Variants in CFI observed in about 807,000 individuals in gnomAD.
The protein encoded by CFI is complement factor I.
A neutral mutation model predicts 78.8 loss-of-function variants in CFI; 66 were observed. The observed-to-expected ratio is 0.84, with a 90% CI of 0.69 to 1.03. CFI has a LOEUF of 1.03. CFI is among the 50% of genes least tolerant of loss of function. The pLI, the probability that CFI is intolerant of heterozygous loss-of-function variation, is 0.00. For synonymous variants in CFI, 250 were observed against 232.6 expected, an observed-to-expected ratio of 1.07 and a Z score of -0.68; for missense variants, 706 against 704.5, an observed-to-expected ratio of 1.00 and a Z score of -0.02.
At chr4:109,778,721 A>C (rs536261846) in intron 1 of CFI, among the ~76,000 whole-genome samples, 1 of 152,358 alleles carries the variant, frequency 6.6e-6, no homozygotes, top group South Asian at 2.1e-4. Context: ...ATACTGATGC[A>C]AAAATCCTCA....
At chr4:109,757,227 G>T (rs1341355519) in intron 7 of CFI, among the ~76,000 whole-genome samples, 3 of 151,724 alleles carry the variant, frequency 2.0e-5, no homozygotes, top group Non-Finnish European at 4.4e-5. Context: ...GTAGAGATGG[G>T]GTTTCACCGT....
chr4:109,801,942 A>G lies in CFI; in HGVS notation c.30T>C (p.Phe10=). 6.2e-7 allele frequency: 1 copy of G among 1,612,758 alleles called. No homozygotes were observed. Among genetic ancestry groups the G allele is most frequent in the Admixed American group, 1.7e-5 (1 of 60,012 alleles). Residue 10 remains phenylalanine (F), a synonymous_variant, in exon 1 of 13, where the codon TTT becomes TTC. Transcript: ENST00000394634. The part of the protein sequence containing the change: MKLLHVFLL[F]LCFHLRFCKV... ...TGCAAAACCTTAAGTGGAAGCACAGAAATAACAGGAAAACATGAAGAAGCT... is the reference window on the plus strand; with the variant it reads ...TGCAAAACCTTAAGTGGAAGCACAGGAATAACAGGAAAACATGAAGAAGCT...
intron 1 of CFI, 47 bp from the exon 2 acceptor site, chr4:109,766,871 C>T (rs1257563085): frequency 6.3e-7 from 1 of 1,597,998 alleles, no homozygotes; most frequent in Non-Finnish European, 8.6e-7. Context: ...ATTAAAGACT[C>T]CTGTTTGAAG....
chr4:109,769,795 C>G (rs935735247), intron 1 of CFI, among the ~76,000 whole-genome samples: 1 of 152,170 alleles, frequency 6.6e-6, no homozygotes, highest in African/African-American at 2.4e-5. Context: ...AGGACCCACA[C>G]CTGTCTGTTG....
chr4:109,791,110 TA>T (rs1431482344), intron 1 of CFI, among the ~76,000 whole-genome samples: 8 of 152,124 alleles, frequency 5.3e-5, no homozygotes, highest in Non-Finnish European at 8.8e-5. Context: ...GACAGCATGT[TA>T]TTTTTTTGGA....
chr4:109,772,470 C>T (rs758636849), intron 1 of CFI, among the ~76,000 whole-genome samples: 1 of 152,094 alleles, frequency 6.6e-6, no homozygotes, highest in Non-Finnish European at 1.5e-5. Flanking sequence ...TTTAAATCAC[C>T]ATTGAAACTA....
chr4:109,788,251 T>G (rs938938292), intron 1 of CFI, among the ~76,000 whole-genome samples: 1 of 152,160 alleles, frequency 6.6e-6, no homozygotes, highest in African/African-American at 2.4e-5. Flanking sequence ...GAAGTGAAAT[T>G]GCTGAATCAA....
At chr4:109,784,195 AT>A (rs1194561473) in intron 1 of CFI, among the ~76,000 whole-genome samples, 2 of 152,078 alleles carry the variant, frequency 1.3e-5, no homozygotes, top group Admixed American at 6.6e-5. Context: ...AAATAAAAAA[AT>A]AAATAAAAAG....
chr4:109,754,244 A>C (rs986258515), intron 7 of CFI, among the ~76,000 whole-genome samples: 1 of 151,504 alleles, frequency 6.6e-6, no homozygotes, highest in South Asian at 2.1e-4. Flanking sequence ...GGCCTCCCAA[A>C]GTGCTGGAAT....
At chr4:109,735,274 T>C in the CFI span, among the ~76,000 whole-genome samples, 1 of 152,154 alleles carries the variant, frequency 6.6e-6, no homozygotes, top group Non-Finnish European at 1.5e-5. Flanking sequence ...ATTTTCTATA[T>C]AGAACTTCCC....
intron 7 of CFI, among the ~76,000 whole-genome samples, chr4:109,756,234 T>C (rs1006261054): frequency 2.0e-5 from 3 of 151,362 alleles, no homozygotes; most frequent in African/African-American, 7.3e-5. Context: ...CCCCTGATGA[T>C]CATGTATAAG....
At chr4:109,772,581 G>GTTT (rs35970339) in intron 1 of CFI, among the ~76,000 whole-genome samples, 2 of 146,430 alleles carry the variant, frequency 1.4e-5, no homozygotes, top group Non-Finnish European at 1.5e-5. Flanking sequence ...GAATTTGATC[G>GTTT]TTTTTTTTTT....
At chr4:109,779,428 G>A (rs1451084373) in intron 1 of CFI, among the ~76,000 whole-genome samples, 1 of 152,066 alleles carries the variant, frequency 6.6e-6, no homozygotes, top group African/African-American at 2.4e-5. Flanking sequence ...ACTTACAAGG[G>A]ATGTCAAGGA....
intron 1 of CFI, among the ~76,000 whole-genome samples, chr4:109,775,101 C>T (rs940645988): frequency 6.6e-5 from 10 of 152,090 alleles, no homozygotes; most frequent in Non-Finnish European, 1.2e-4. Flanking sequence ...GTGTGAGCGA[C>T]GCAGAAGACG....
chr4:109,769,292 T>C (rs902815739), intron 1 of CFI, among the ~76,000 whole-genome samples: 22 of 152,212 alleles, frequency 1.4e-4, no homozygotes, highest in Non-Finnish European at 1.9e-4. Context: ...AATTAAAGGA[T>C]GTTTAGTTCC....
Position 109,744,217 on chromosome 4 carries a change from A to G in CFI, c.1430-1622T>C, listed in dbSNP as rs189631808. Among the ~76,000 whole-genome samples the G allele has an allele frequency of 2.1e-3, 323 of 152,344 alleles. 1 individual carries two copies. Among genetic ancestry groups the G allele is most frequent in the African/African-American group, 7.3e-3 (302 of 41,570 alleles). ...ATATTTTTAAAAATAAATGAGGAAT[A>G]TTAAACATGGGCTTTATTTTATTGG... On this transcript the variant is annotated intron_variant, in intron 11 of 12. Coordinates refer to ENST00000394634, the MANE Select transcript of CFI (RefSeq NM_000204.5).
Position 109,743,480 on chromosome 4 carries a change from G to A in CFI, c.1430-885C>T, listed in dbSNP as rs1004894946. Among the ~76,000 whole-genome samples, 22 of 152,276 alleles carry A rather than the reference G, an allele frequency of 1.4e-4. 1 individual carries two copies. The highest frequency in any genetic ancestry group is 2.2e-4 in the Non-Finnish European group (15 of 68,026). On this transcript the variant is annotated intron_variant, in intron 11 of 12. Transcript: ENST00000394634. ...AAGGTGGTCAGTAAACACCTTGAGA[G>A]CTGGACTTCATCTTTCAGCCATGGA... is the stretch of plus-strand genomic sequence containing the variant.
chr4:109,775,462 C>T (rs1235302807), intron 1 of CFI, among the ~76,000 whole-genome samples: 3 of 152,188 alleles, frequency 2.0e-5, no homozygotes, highest in Non-Finnish European at 4.4e-5. Context: ...GGGGCGTCTG[C>T]CATTGCTGAG....
downstream of CFI, among the ~76,000 whole-genome samples, chr4:109,739,845 ATGC>A (rs1388995623): frequency 1.3e-5 from 2 of 152,172 alleles, no homozygotes; most frequent in Non-Finnish European, 2.9e-5. Flanking sequence ...TGAGGGGCTA[ATGC>A]TGCTGCGATG....
Sources: allele counts gnomAD v4.1 joint callset (sites outside exome capture counted in the v4.1 genomes callset), GRCh38; gene constraint gnomAD v4.1.1; transcripts MANE v1.5; gene names NCBI Gene and HGNC (gene_info 2026-07-23, HGNC 2026-07-21).